The following PCDH17 variants were observed in gnomAD, a reference collection of about 807,000 sequenced individuals.
The protein encoded by PCDH17 is protocadherin 17, also known as protocadherin-17.
In PCDH17, 21 loss-of-function variants were observed where a neutral mutation model predicts 67.7. That is an observed-to-expected ratio of 0.31 (90% CI 0.22 to 0.45). The LOEUF (loss-of-function observed/expected upper bound fraction) is 0.45, where lower values mean the gene tolerates loss of function less well. Ranked by LOEUF, PCDH17 falls within the 20% of genes least tolerant of loss-of-function variation. PCDH17 has a pLI of 1.00. For missense variants in PCDH17, 1,471 were observed against 1,564.8 expected (o/e 0.94, Z 1.01); for synonymous variants, 701 against 656.7 (o/e 1.07, Z -1.03).
chr13:57,645,064 C>T (rs1450173625), intron 1 of PCDH17, among the ~76,000 whole-genome samples: 1 of 151,416 alleles, frequency 6.6e-6, no homozygotes, highest in Non-Finnish European at 1.5e-5. Flanking sequence ...AATTTAACAC[C>T]CAACTCATTT....
chr13:57,689,312 A>G (rs1032792108), intron 3 of PCDH17, among the ~76,000 whole-genome samples: 2 of 152,000 alleles, frequency 1.3e-5, no homozygotes, highest in Non-Finnish European at 2.9e-5. Flanking sequence ...TGACCAGTGC[A>G]TTTCCTACTT....
intron 3 of PCDH17, among the ~76,000 whole-genome samples, chr13:57,722,929 C>G (rs928366311): frequency 6.6e-6 from 1 of 151,958 alleles, no homozygotes; most frequent in Admixed American, 6.6e-5. Context: ...TTCTGATACC[C>G]CCTTTTAAAA....
chr13:57,649,211 C>A (rs1364697995), intron 1 of PCDH17, among the ~76,000 whole-genome samples: 1 of 152,080 alleles, frequency 6.6e-6, no homozygotes, highest in Non-Finnish European at 1.5e-5. Flanking sequence ...ATTTTGGCAG[C>A]ATATCTCCAT....
chr13:57,639,465 T>C (rs1290330606), intron 1 of PCDH17, among the ~76,000 whole-genome samples: 1 of 151,826 alleles, frequency 6.6e-6, no homozygotes, highest in Non-Finnish European at 1.5e-5. Flanking sequence ...TATTTCCCAA[T>C]AAATGAAAAC....
At chr13:57,672,436 A>G (rs747770102) in intron 3 of PCDH17, among the ~76,000 whole-genome samples, 50 of 152,104 alleles carry the variant, frequency 3.3e-4, no homozygotes, top group Non-Finnish European at 5.9e-4. Flanking sequence ...CTAATTCCCC[A>G]TATAATGACT....
chr13:57,632,957 C>A lies in PCDH17; in HGVS notation c.411C>A (p.Ile137=). The part of the protein sequence containing the change: ...DNAPSFSSDQ[I]EMDISENAAP... ...CGCCCTCCTTCTCCTCGGACCAGATCGAAATGGACATCTCGGAGAACGCTG... is the reference window on the plus strand; with the variant it reads ...CGCCCTCCTTCTCCTCGGACCAGATAGAAATGGACATCTCGGAGAACGCTG... The change falls in exon 1 of 4, where the codon ATC becomes ATA. Residue 137 remains isoleucine (I), a synonymous_variant. Coordinates refer to ENST00000377918, the MANE Select transcript of PCDH17 (RefSeq NM_001040429.3). The A allele has an allele frequency of 3.1e-6, 5 of 1,613,850 alleles. No individual in the cohort carries two copies. Among genetic ancestry groups the A allele is most frequent in the Non-Finnish European group, 3.4e-6 (4 of 1,180,000 alleles).
At chr13:57,643,040 A>G (rs1954923060) in intron 1 of PCDH17, among the ~76,000 whole-genome samples, 1 of 151,616 alleles carries the variant, frequency 6.6e-6, no homozygotes. Flanking sequence ...TTTTTCACAC[A>G]ACATATTTTA....
chr13:57,641,149 C>T (rs1954887887), intron 1 of PCDH17, among the ~76,000 whole-genome samples: 1 of 151,730 alleles, frequency 6.6e-6, no homozygotes, highest in African/African-American at 2.4e-5. Flanking sequence ...TTCGTCAGAC[C>T]TGCATTAACC....
Position 57,633,392 on chromosome 13 carries a change from C to A in PCDH17, c.846C>A (p.Phe282Leu). Residue 282 changes from phenylalanine to leucine, a missense_variant, in exon 1 of 4, where the codon TTC becomes TTA. Around this residue, in one of 3 missense-constraint regions of PCDH17, gnomAD observed 1,163 missense variants for 1,230.0 expected, o/e 0.95. Transcript: ENST00000377918. This position sits in a 1 kb window ranked among gnomAD's most constrained non-coding sequence, Gnocchi z 6.2. ...EGPNGEVLYSFSSYVPDRVRE... is the reference protein window; with the variant it reads ...EGPNGEVLYSLSSYVPDRVRE... The stretch of plus-strand genomic sequence containing the variant: ...CCAATGGTGAAGTGCTCTACTCTTT[C>A]AGCAGCTACGTGCCTGACCGCGTGC... 1.2e-6 allele frequency: 2 copies of A among 1,613,364 alleles called. No homozygotes were observed. Among genetic ancestry groups the A allele is most frequent in the East Asian group, 4.5e-5 (2 of 44,858 alleles).
intron 3 of PCDH17, among the ~76,000 whole-genome samples, chr13:57,698,190 A>G (rs1440674746): frequency 1.3e-5 from 2 of 151,560 alleles, no homozygotes; most frequent in African/African-American, 4.8e-5. Flanking sequence ...ATTTATATAC[A>G]TAAATATGAA....
intron 3 of PCDH17, among the ~76,000 whole-genome samples, chr13:57,707,210 A>T (rs1708791297): frequency 6.6e-6 from 1 of 152,018 alleles, no homozygotes; most frequent in South Asian, 2.1e-4. Flanking sequence ...CTGCCACTTT[A>T]TAGCAAGGAT....
At chr13:57,675,994 T>C (rs532340863) in intron 3 of PCDH17, among the ~76,000 whole-genome samples, 8 of 152,040 alleles carry the variant, frequency 5.3e-5, no homozygotes, top group Non-Finnish European at 1.0e-4. Flanking sequence ...ATAATGATAA[T>C]GGATTGCTTA....
chr13:57,636,524 T>C (rs1954825381), intron 1 of PCDH17, among the ~76,000 whole-genome samples: 1 of 152,098 alleles, frequency 6.6e-6, no homozygotes, highest in African/African-American at 2.4e-5. Flanking sequence ...ATCTCACACT[T>C]GACACTACTA....
intron 3 of PCDH17, among the ~76,000 whole-genome samples, chr13:57,723,762 A>G (rs1467601128): frequency 1.3e-5 from 2 of 152,144 alleles, no homozygotes; most frequent in African/African-American, 2.4e-5. Flanking sequence ...ATTTTTTTTC[A>G]TATTCCACAT....
chr13:57,644,526 T>A (rs1593896587), intron 1 of PCDH17, among the ~76,000 whole-genome samples: 1 of 150,336 alleles, frequency 6.7e-6, no homozygotes, highest in East Asian at 1.9e-4. Flanking sequence ...CTATTTCTAT[T>A]AAAAAAAAAG....
intron 3 of PCDH17, among the ~76,000 whole-genome samples, chr13:57,669,527 T>A (rs1955295529): frequency 6.6e-6 from 1 of 152,098 alleles, no homozygotes; most frequent in Non-Finnish European, 1.5e-5. Context: ...TGTCAGTCTG[T>A]CTTTCAACTA....
chr13:57,695,435 G>GAAAT (rs1955597918), intron 3 of PCDH17, among the ~76,000 whole-genome samples: 1 of 150,558 alleles, frequency 6.6e-6, no homozygotes, highest in East Asian at 2.0e-4. Flanking sequence ...AAGAAAGAAA[G>GAAAT]AAAGAAAGAA....
At chr13:57,715,906 GA>G (rs1955812887) in intron 3 of PCDH17, among the ~76,000 whole-genome samples, 1 of 151,952 alleles carries the variant, frequency 6.6e-6, no homozygotes, top group Non-Finnish European at 1.5e-5. Flanking sequence ...GTAGGAAAAA[GA>G]AATATTTTTC....
chr13:57,696,642 A>G (rs1955611577), intron 3 of PCDH17, among the ~76,000 whole-genome samples: 1 of 151,486 alleles, frequency 6.6e-6, no homozygotes, highest in Non-Finnish European at 1.5e-5. Context: ...CATTTCAAAG[A>G]ATTAGTAATA....
Sources: allele counts gnomAD v4.1 joint callset (sites outside exome capture counted in the v4.1 genomes callset), GRCh38; gene constraint gnomAD v4.1.1; regional missense constraint gnomAD v4.1.1; non-coding constraint Gnocchi (gnomAD v3.1); transcripts MANE v1.5; gene names NCBI Gene and HGNC (gene_info 2026-07-23, HGNC 2026-07-21).